The following ROCK2 variants were observed in gnomAD, a reference collection of about 807,000 sequenced individuals.
The protein encoded by ROCK2 is Rho associated coiled-coil containing protein kinase 2, also known as rho-associated protein kinase 2.
In ROCK2, 61 loss-of-function variants were observed where a neutral mutation model predicts 195.1. The ratio of observed to expected loss-of-function variants is 0.31; its 90% CI spans 0.25 to 0.39. The LOEUF (loss-of-function observed/expected upper bound fraction) is 0.39, where lower values mean the gene tolerates loss of function less well. Among genes scored for constraint, ROCK2 ranks in the 10% least tolerant of loss-of-function variants. The pLI, the probability that ROCK2 is intolerant of heterozygous loss-of-function variation, is 1.00. For missense variants in ROCK2, 1,109 were observed against 1,637.4 expected, an observed-to-expected ratio of 0.68 and a Z score of 5.57; for synonymous variants, 504 against 545.5, an observed-to-expected ratio of 0.92 and a Z score of 1.06.
intron 6 of ROCK2, 133 bp from the exon 7 acceptor site, chr2:11,224,593 C>A (rs1664749639): frequency 2.7e-6 from 2 of 754,714 alleles, no homozygotes; most frequent in Non-Finnish European, 4.4e-6. Flanking sequence ...GGCACAGAGT[C>A]CCAGTCAAAA....
chr2:11,259,692 T>C (rs1666156832), intron 3 of ROCK2, among the ~76,000 whole-genome samples: 1 of 151,420 alleles, frequency 6.6e-6, no homozygotes, highest in African/African-American at 2.5e-5. Context: ...CATAAATCTA[T>C]ACTAATAAGC....
chr2:11,328,273 A>G (rs973053768), intron 1 of ROCK2, among the ~76,000 whole-genome samples: 1 of 152,216 alleles, frequency 6.6e-6, no homozygotes, highest in African/African-American at 2.4e-5. Context: ...ACACTTAGTG[A>G]AGCTAATATG....
chr2:11,224,210 A>C, intron 7 of ROCK2, 112 bp downstream of exon 7: 1 of 1,000,752 alleles, frequency 1.0e-6, no homozygotes, highest in Admixed American at 2.5e-5. Flanking sequence ...ATTAGATGCT[A>C]CTTGGGTAAT....
intron 1 of ROCK2, among the ~76,000 whole-genome samples, chr2:11,304,820 G>A (rs544950196): frequency 1.3e-5 from 2 of 152,132 alleles, no homozygotes; most frequent in Non-Finnish European, 2.9e-5. Flanking sequence ...AAGTAGGAAT[G>A]GTGTAGGAAG....
intron 3 of ROCK2, among the ~76,000 whole-genome samples, chr2:11,275,391 C>T (rs1666789761): frequency 6.6e-6 from 1 of 152,106 alleles, no homozygotes; most frequent in Admixed American, 6.5e-5. Context: ...TGACTGCGGG[C>T]AACTGAAATT....
chr2:11,321,651 T>G (rs1221052328), intron 1 of ROCK2, among the ~76,000 whole-genome samples: 1 of 151,878 alleles, frequency 6.6e-6, no homozygotes, highest in South Asian at 2.1e-4. Flanking sequence ...TCCTGAAAGG[T>G]AGGAATTGAA....
At chr2:11,204,958 A>C (rs1209916326) in intron 20 of ROCK2, among the ~76,000 whole-genome samples, 1 of 152,120 alleles carries the variant, frequency 6.6e-6, no homozygotes, top group Non-Finnish European at 1.5e-5. Context: ...GTTTAGTGAT[A>C]CTTGGTTATT....
At chr2:11,332,753 G>A (rs1268297449) in intron 1 of ROCK2, among the ~76,000 whole-genome samples, 2 of 152,182 alleles carry the variant, frequency 1.3e-5, no homozygotes, top group Non-Finnish European at 2.9e-5. Flanking sequence ...ATCTGTCCAA[G>A]AGAAATGAAA....
intron 1 of ROCK2, among the ~76,000 whole-genome samples, chr2:11,326,415 G>A (rs1467945456): frequency 2.0e-5 from 3 of 152,186 alleles, no homozygotes; most frequent in Non-Finnish European, 4.4e-5. Context: ...AAGTCCAGAT[G>A]ATCTTGGAGC....
At chr2:11,291,012 A>T (rs1238898457) in intron 1 of ROCK2, among the ~76,000 whole-genome samples, 1 of 152,230 alleles carries the variant, frequency 6.6e-6, no homozygotes, top group African/African-American at 2.4e-5. Context: ...GGTTGTCTAT[A>T]TGCAAAAAGC....
intron 32 of ROCK2, among the ~76,000 whole-genome samples, chr2:11,189,201 T>C (rs941419882): frequency 6.6e-6 from 1 of 152,198 alleles, no homozygotes; most frequent in African/African-American, 2.4e-5. Context: ...TTAAGAAGGA[T>C]ACCATGTCAA....
chr2:11,243,603 A>G (rs1256344617), intron 4 of ROCK2, among the ~76,000 whole-genome samples: 1 of 152,182 alleles, frequency 6.6e-6, no homozygotes, highest in African/African-American at 2.4e-5. Flanking sequence ...AGTATAATTA[A>G]TAAGAAAAAC....
At chr2:11,187,852 C>A (rs1218918996) in intron 32 of ROCK2, among the ~76,000 whole-genome samples, 1 of 151,950 alleles carries the variant, frequency 6.6e-6, no homozygotes, top group Non-Finnish European at 1.5e-5. Context: ...ATTATTTTCC[C>A]AAGTAGACTG....
At chr2:11,211,862 G>A in intron 17 of ROCK2, 22 bp from the exon 18 acceptor site, 2 of 1,529,622 alleles carry the variant, frequency 1.3e-6, no homozygotes, top group Non-Finnish European at 1.8e-6. Context: ...TTAAAATGCA[G>A]CTATCAACAA....
At chr2:11,331,743 A>G (rs1310019100) in intron 1 of ROCK2, among the ~76,000 whole-genome samples, 4 of 152,066 alleles carry the variant, frequency 2.6e-5, no homozygotes, top group East Asian at 1.9e-4. Flanking sequence ...TGGCCAACAT[A>G]GTGAAACCCT....
chr2:11,189,433 C>A (rs771198789), intron 32 of ROCK2, among the ~76,000 whole-genome samples: 3 of 152,130 alleles, frequency 2.0e-5, no homozygotes. Flanking sequence ...CTCCCTGGAA[C>A]CATGCTACTC....
intron 1 of ROCK2, among the ~76,000 whole-genome samples, chr2:11,301,583 C>T (rs372114424): frequency 6.6e-6 from 1 of 151,744 alleles, no homozygotes; most frequent in African/African-American, 2.4e-5. Flanking sequence ...TTGAGACTAG[C>T]CTGGCCTACA....
intron 1 of ROCK2, 51 bp downstream of exon 1, chr2:11,343,945 G>C (rs751722055): frequency 1.3e-6 from 2 of 1,565,678 alleles, no homozygotes; most frequent in East Asian, 2.6e-5. Flanking sequence ...GCGGAGAGGG[G>C]ATCTGAGGTG....
At chr2:11,311,559 C>A (rs1282179237) in intron 1 of ROCK2, among the ~76,000 whole-genome samples, 10 of 152,164 alleles carry the variant, frequency 6.6e-5, no homozygotes, top group Admixed American at 5.9e-4. Context: ...GATTAAAAAT[C>A]TGCCTCAAAT....
Sources: allele counts gnomAD v4.1 joint callset (sites outside exome capture counted in the v4.1 genomes callset), GRCh38; gene constraint gnomAD v4.1.1; transcripts MANE v1.5; gene names NCBI Gene and HGNC (gene_info 2026-07-23, HGNC 2026-07-21).